EZH1: variants seen among roughly 807,000 people sequenced by gnomAD.
The protein encoded by EZH1 is histone-lysine N-methyltransferase EZH1.
A neutral mutation model predicts 100.5 loss-of-function variants in EZH1; 33 were observed. That is an observed-to-expected ratio of 0.33 (90% CI 0.25 to 0.44). EZH1 has a LOEUF of 0.44. EZH1 is among the 20% of genes least tolerant of loss of function. EZH1 has a pLI of 1.00. For missense variants in EZH1, 475 were observed against 928.4 expected (o/e 0.51, Z 6.35); for synonymous variants, 272 against 313.8 (o/e 0.87, Z 1.41).
intron 1 of EZH1, 46 bp downstream of exon 1, chr17:42,744,965 G>A (rs1177701069): frequency 2.4e-6 from 3 of 1,254,492 alleles, no homozygotes; most frequent in Admixed American, 2.6e-5. Context: ...GGCGAGGGGA[G>A]GAGGCCCGGC....
At position 42,724,386 on chromosome 17, in the gene EZH1, T is replaced by A. The variant is rs777539005; in HGVS notation, c.285A>T (p.Gln95His). ...TGTTCAGTGACCTCATTAACATATG[T>A]TGGCTTGCAAATCCCGGGAAAATGC... is the stretch of plus-strand genomic sequence containing the variant. The part of the protein sequence containing the change: ...IESIFPGFAS[Q>H]HMLMRSLNTV... The change falls in exon 5 of 21, where the codon CAA becomes CAT. Residue 95 changes from glutamine (Q) to histidine (H), a missense_variant. Around this residue, in one of 8 missense-constraint regions of EZH1, gnomAD observed 105 missense variants for 129.8 expected, o/e 0.81. Transcript: ENST00000428826. 6.2e-7 allele frequency: 1 copy of A among 1,614,152 alleles called. No individual in the cohort carries two copies. The highest frequency in any genetic ancestry group is 1.1e-5 in the South Asian group (1 of 91,090).
chr17:42,738,356 A>T (rs1328625008), intron 1 of EZH1, among the ~76,000 whole-genome samples: 1 of 151,952 alleles, frequency 6.6e-6, no homozygotes, highest in Admixed American at 6.6e-5. Context: ...TTGAATAATA[A>T]TTTTATTAAC....
At chr17:42,744,375 G>C (rs1019092130) in intron 1 of EZH1, among the ~76,000 whole-genome samples, 1 of 152,146 alleles carries the variant, frequency 6.6e-6, no homozygotes, top group African/African-American at 2.4e-5. Flanking sequence ...CAAAAGTCTG[G>C]AGTGAAGGAG....
intron 11 of EZH1, among the ~76,000 whole-genome samples, chr17:42,712,693 A>G (rs1300892107): frequency 2.6e-5 from 4 of 152,158 alleles, no homozygotes; most frequent in Non-Finnish European, 5.9e-5. Context: ...GCTTGAGCTC[A>G]GGAGTTCAAG....
chr17:42,703,519 C>G lies in EZH1; in HGVS notation c.2098+221G>C, dbSNP rs2053287352. 16 of 543,940 alleles carry G rather than the reference C, an allele frequency of 2.9e-5. No homozygotes were observed. In the East Asian group the frequency reaches 4.5e-4, roughly 15 times the overall value. The allele number at this position is 543,940 out of a possible 1,614,324, so 33.7% of individuals were successfully genotyped here. ...GATGGGTCTCACTATGTTGCTCAGG[C>G]TGGTTAAATCATGTTTGTGGGAAAG... On this transcript the variant is annotated intron_variant, in intron 19 of 20. Coordinates refer to ENST00000428826, the MANE Select transcript of EZH1 (RefSeq NM_001991.5).
At position 42,705,168 on chromosome 17, in the gene EZH1, G is replaced by A; in HGVS notation, c.1855C>T (p.Pro619Ser). The change falls in exon 17 of 21, where the codon CCC becomes TCC. Residue 619 changes from proline to serine, a missense_variant. Transcript: ENST00000428826. ...GTGCCCCATCCGGCCACATCAGAGG[G>A]GGCCAGCAGCAGGTGCTGGGGAAGA... ...RGLKKHLLLA[P>S]SDVAGWGTFI... 1 of 1,613,060 alleles carries A rather than the reference G, an allele frequency of 6.2e-7. No individual in the cohort carries two copies. The highest frequency in any genetic ancestry group is 8.5e-7 in the Non-Finnish European group (1 of 1,179,550).
intron 1 of EZH1, among the ~76,000 whole-genome samples, chr17:42,736,968 C>T (rs1300192480): frequency 1.3e-5 from 2 of 151,930 alleles, no homozygotes; most frequent in East Asian, 1.9e-4. Context: ...AGAACAGGAA[C>T]TCCCTGTACT....
chr17:42,704,852 G>A (rs2053319020), intron 17 of EZH1, among the ~76,000 whole-genome samples, 169 bp from the exon 18 acceptor site: 1 of 152,194 alleles, frequency 6.6e-6, no homozygotes, highest in South Asian at 2.1e-4. Flanking sequence ...TCCCACCCAG[G>A]CCAACCAGTT....
chr17:42,720,576 A>T (rs1386021109), intron 6 of EZH1, 127 bp from the exon 7 acceptor site: 2 of 756,264 alleles, frequency 2.6e-6, no homozygotes, highest in Non-Finnish European at 4.0e-6. Flanking sequence ...TACATGGGAG[A>T]TCAGGAAATT....
chr17:42,742,559 C>G (rs2054196109), intron 1 of EZH1, among the ~76,000 whole-genome samples: 1 of 152,202 alleles, frequency 6.6e-6, no homozygotes, highest in Admixed American at 6.5e-5. Flanking sequence ...TACAAGTACT[C>G]TGCCAGTTAC....
At position 42,713,295 on chromosome 17, in the gene EZH1, G is replaced by A; in HGVS notation, c.1118C>T (p.Ser373Phe). ...AGCCACAGCAGAGGCTGAGGCATTG[G>A]AGCAGGAAGCACTGACTATGTGGTG... ...RRHHIVSASCSNASASAVAET... is the reference protein window; with the variant it reads ...RRHHIVSASCFNASASAVAET... The change falls in exon 11 of 21, where the codon TCC (serine) becomes TTC (phenylalanine). Residue 373 changes from serine to phenylalanine, a missense_variant. This residue lies in a region of EZH1 where 180 missense variants were observed against 295.3 expected (regional missense o/e 0.61). Coordinates refer to ENST00000428826, the MANE Select transcript of EZH1 (RefSeq NM_001991.5). 1.2e-6 allele frequency: 2 copies of A among 1,614,080 alleles called. No individual in the cohort carries two copies. Among genetic ancestry groups the A allele is most frequent in the Non-Finnish European group, 1.7e-6 (2 of 1,179,954 alleles).
At chr17:42,716,810 T>A (rs1193158531) in intron 10 of EZH1, among the ~76,000 whole-genome samples, 1 of 152,140 alleles carries the variant, frequency 6.6e-6, no homozygotes, top group African/African-American at 2.4e-5. Flanking sequence ...GCAATTCTCC[T>A]GTCTCAGCCT....
intron 11 of EZH1, among the ~76,000 whole-genome samples, 165 bp downstream of exon 11, chr17:42,713,037 CAAAAAAA>C (rs10664421): frequency 1.2e-4 from 10 of 83,998 alleles, no homozygotes; most frequent in East Asian, 6.9e-4. Flanking sequence ...GAGACTGTTT[CAAAAAAA>C]AAAAAAAAAA....
At chr17:42,743,725 C>T (rs886545368) in intron 1 of EZH1, among the ~76,000 whole-genome samples, 1 of 151,908 alleles carries the variant, frequency 6.6e-6, no homozygotes, top group African/African-American at 2.4e-5. Flanking sequence ...CTGGGCCTCC[C>T]GAATGCTGGG....
At chr17:42,714,139 C>T (rs1259410155) in intron 10 of EZH1, among the ~76,000 whole-genome samples, 1 of 152,108 alleles carries the variant, frequency 6.6e-6, no homozygotes, top group Admixed American at 6.5e-5. Context: ...CAGCTATCAC[C>T]CCCTTTTTTA....
chr17:42,727,230 A>C (rs1301866325), intron 4 of EZH1, among the ~76,000 whole-genome samples: 1 of 151,988 alleles, frequency 6.6e-6, no homozygotes, highest in Non-Finnish European at 1.5e-5. Context: ...ATTAACCTTA[A>C]CCTTATTTAT....
At chr17:42,719,511 C>T (rs559853989) in intron 7 of EZH1, among the ~76,000 whole-genome samples, 18 of 152,216 alleles carry the variant, frequency 1.2e-4, no homozygotes, top group African/African-American at 3.1e-4. Flanking sequence ...CCGAGGGGAG[C>T]GGATCACTTG....
chr17:42,731,367 C>T (rs1156277192), intron 1 of EZH1, among the ~76,000 whole-genome samples: 1 of 152,008 alleles, frequency 6.6e-6, no homozygotes, highest in Non-Finnish European at 1.5e-5. Context: ...CCTGCCTCGG[C>T]CTCCCAAAGT....
At chr17:42,712,632 G>C in intron 11 of EZH1, 147 bp from the exon 12 acceptor site, 2 of 830,814 alleles carry the variant, frequency 2.4e-6, no homozygotes, top group Non-Finnish European at 3.7e-6. Context: ...GCCAGGCATG[G>C]TGGCTCACGC....
Sources: allele counts gnomAD v4.1 joint callset (sites outside exome capture counted in the v4.1 genomes callset), GRCh38; gene constraint gnomAD v4.1.1; regional missense constraint gnomAD v4.1.1; transcripts MANE v1.5; gene names NCBI Gene and HGNC (gene_info 2026-07-23, HGNC 2026-07-21).